FBXL2: variants seen among roughly 807,000 people sequenced by gnomAD.
The protein encoded by FBXL2 is F-box/LRR-repeat protein 2.
FBXL2 carries 38 observed loss-of-function variants against 69.2 expected under a neutral mutation model. That is an observed-to-expected ratio of 0.55 (90% confidence interval 0.42 to 0.72). The LOEUF (loss-of-function observed/expected upper bound fraction) is 0.72, where lower values mean the gene tolerates loss of function less well. Ranked by LOEUF, FBXL2 falls within the 30% of genes least tolerant of loss-of-function variation. FBXL2 has a pLI of 0.00. For missense variants in FBXL2, 354 were observed against 520.3 expected (o/e 0.68, Z 3.11); for synonymous variants, 192 against 201.3 (o/e 0.95, Z 0.39).
intron 2 of FBXL2, among the ~76,000 whole-genome samples, chr3:33,310,487 A>G (rs2037093396): frequency 6.6e-6 from 1 of 152,164 alleles, no homozygotes; most frequent in Non-Finnish European, 1.5e-5. Context: ...TTCATACTAA[A>G]CATATGTGAC....
chr3:33,392,795 A>C, downstream of FBXL2: 1 of 565,872 alleles, frequency 1.8e-6, no homozygotes, highest in Non-Finnish European at 3.0e-6. Flanking sequence ...TGTGTTCACT[A>C]TGCCTGTCCA....
chr3:33,312,834 T>C (rs1416473344), intron 2 of FBXL2, among the ~76,000 whole-genome samples: 2 of 152,044 alleles, frequency 1.3e-5, no homozygotes, highest in African/African-American at 4.8e-5. Context: ...GTTATTGAAA[T>C]GATAGGCCAG....
At chr3:33,308,561 T>G (rs2036917662) in intron 2 of FBXL2, among the ~76,000 whole-genome samples, 1 of 152,222 alleles carries the variant, frequency 6.6e-6, no homozygotes. Context: ...TAAGTACTCA[T>G]TTGCTTTATT....
At chr3:33,358,396 A>G (rs1244202918) in intron 2 of FBXL2, among the ~76,000 whole-genome samples, 1 of 152,144 alleles carries the variant, frequency 6.6e-6, no homozygotes, top group Non-Finnish European at 1.5e-5. Flanking sequence ...GATGCCAACC[A>G]AGATTTTGTT....
intron 5 of FBXL2, chr3:33,372,388 TC>T (rs1411796568): frequency 6.6e-6 from 1 of 152,516 alleles, no homozygotes; most frequent in Non-Finnish European, 1.5e-5. Flanking sequence ...CAGGCTTGGT[TC>T]CCCCTACCGG....
chr3:33,327,125 A>T (rs186174686), intron 2 of FBXL2, among the ~76,000 whole-genome samples: 18 of 152,266 alleles, frequency 1.2e-4, no homozygotes, highest in African/African-American at 4.1e-4. Context: ...TTATTATCTT[A>T]AAAAAAGTTT....
At chr3:33,311,449 G>A (rs950165547) in intron 2 of FBXL2, among the ~76,000 whole-genome samples, 3 of 152,000 alleles carry the variant, frequency 2.0e-5, no homozygotes, top group Non-Finnish European at 4.4e-5. Context: ...TCATAATTCT[G>A]ATAGGCTTTC....
intron 1 of FBXL2, among the ~76,000 whole-genome samples, chr3:33,281,985 A>C (rs2034062035): frequency 6.6e-6 from 1 of 152,118 alleles, no homozygotes. Flanking sequence ...ATTTTCTCCC[A>C]TTCTGTAGGT....
At chr3:33,375,145 C>G in intron 9 of FBXL2, 143 bp from the exon 10 acceptor site, 1 of 910,048 alleles carries the variant, frequency 1.1e-6, no homozygotes, top group Non-Finnish European at 1.7e-6. Flanking sequence ...CCTGTCTACC[C>G]TCTACTTATT....
intron 2 of FBXL2, among the ~76,000 whole-genome samples, chr3:33,306,883 A>G (rs2036769864): frequency 6.6e-6 from 1 of 152,052 alleles, no homozygotes; most frequent in South Asian, 2.1e-4. Flanking sequence ...CAAAGTGGTG[A>G]TACTCTTAAT....
the FBXL2 span, among the ~76,000 whole-genome samples, chr3:33,410,693 A>G: frequency 6.6e-6 from 1 of 152,200 alleles, no homozygotes; most frequent in South Asian, 2.1e-4. Flanking sequence ...AACACAGAAT[A>G]ATGATATTAT....
rs549880298 is a variant in FBXL2, at chr3:33,395,634, A to G, written n.1215-7600A>G. Among the ~76,000 whole-genome samples, 3 of 151,844 alleles carry G rather than the reference A, an allele frequency of 2.0e-5. No homozygotes were observed. In the South Asian group the frequency reaches 6.2e-4, roughly 32 times the overall value. ...ACCAGACGCGCCACACAAGGTGCAC[A>G]ATGCTGGCCGAACACTTGTCAGTGA... is the stretch of plus-strand genomic sequence containing the variant. On this transcript the variant is annotated intron_variant and non_coding_transcript_variant, in intron 12 of 12. Coordinates refer to the FBXL2 transcript ENST00000463736.
intron 1 of FBXL2, among the ~76,000 whole-genome samples, chr3:33,285,796 A>G (rs545781990): frequency 1.3e-5 from 2 of 152,218 alleles, no homozygotes; most frequent in East Asian, 1.9e-4. Context: ...TTGATCTTCC[A>G]TCACTGATAC....
chr3:33,330,719 C>G (rs1281525979), intron 2 of FBXL2, among the ~76,000 whole-genome samples: 1 of 152,126 alleles, frequency 6.6e-6, no homozygotes, highest in Non-Finnish European at 1.5e-5. Flanking sequence ...AAAACCCTGT[C>G]TCTACTAAAA....
intron 2 of FBXL2, among the ~76,000 whole-genome samples, chr3:33,353,953 A>T (rs1186958970): frequency 6.6e-6 from 1 of 152,148 alleles, no homozygotes. Flanking sequence ...TAGGTGAAAC[A>T]TGTTGTTGAC....
rs537802896 is a variant in FBXL2 at position 33,285,132 on chromosome 3, G to A, written c.3+7617G>A. Among the ~76,000 whole-genome samples, 32 of 152,276 alleles carry A rather than the reference G, an allele frequency of 2.1e-4. 1 individual carries two copies. The East Asian group carries it at 5.8e-3, about 28-fold the overall frequency. On this transcript the variant is annotated intron_variant, in intron 1 of 14. Transcript: ENST00000484457. ...CGTTCGTTGATGCAGTTTCTTCTTA[G>A]CATTGATAGTCTTTACAGTTTGGCA... is the stretch of plus-strand genomic sequence containing the variant.
At chr3:33,312,670 C>T (rs958193278) in intron 2 of FBXL2, among the ~76,000 whole-genome samples, 1 of 152,078 alleles carries the variant, frequency 6.6e-6, no homozygotes, top group Non-Finnish European at 1.5e-5. Flanking sequence ...ATATTATACT[C>T]TCTCTTTAAC....
intron 13 of FBXL2, among the ~76,000 whole-genome samples, chr3:33,380,223 C>CAA (rs71632598): frequency 0.037 from 2,553 of 69,146 alleles, 54 homozygotes; most frequent in Admixed American, 0.098. Flanking sequence ...GACTCTGTCT[C>CAA]AAAAAAAAAA....
intron 12 of FBXL2, among the ~76,000 whole-genome samples, chr3:33,399,798 T>C (rs1424129844): frequency 6.6e-6 from 1 of 152,180 alleles, no homozygotes; most frequent in Admixed American, 6.5e-5. Context: ...GGTTTTGCTA[T>C]TGTACTATAA....
Sources: allele counts gnomAD v4.1 joint callset (sites outside exome capture counted in the v4.1 genomes callset), GRCh38; gene constraint gnomAD v4.1.1; transcripts MANE v1.5; gene names NCBI Gene and HGNC (gene_info 2026-07-23, HGNC 2026-07-21).